ATOH1: variants seen among roughly 807,000 people sequenced by gnomAD.
The protein encoded by ATOH1 is transcription factor ATOH1.
A neutral mutation model predicts 20.7 loss-of-function variants in ATOH1; 9 were observed. The observed-to-expected ratio is 0.44, with a 90% CI of 0.26 to 0.76. ATOH1 has a LOEUF of 0.76. Ranked by LOEUF, ATOH1 falls within the 30% of genes least tolerant of loss-of-function variation. The pLI is 0.20. For missense variants in ATOH1, 516 were observed against 479.3 expected, an observed-to-expected ratio of 1.08 and a Z score of -0.71; for synonymous variants, 247 against 214.3, an observed-to-expected ratio of 1.15 and a Z score of -1.33.
chr4:93,829,710 G>A lies in ATOH1; in HGVS notation c.784G>A (p.Gly262Arg). Residue 262 changes from glycine (G) to arginine (R), a missense_variant, in exon 1 of 1, where the codon GGG (glycine) becomes AGG (arginine). Physicochemically the swap from Gly to Arg is moderately radical, Grantham distance 125. Coordinates refer to ENST00000306011, the MANE Select transcript of ATOH1 (RefSeq NM_005172.2). This position sits in a 1 kb window ranked among gnomAD's most constrained non-coding sequence, Gnocchi z 4.5. ...AGCTGGGGCTCAGCAGGCTTCCGGA[G>A]GGAGCCAGCGGCCGACCCCGCCCGG... The part of the protein sequence containing the change: ...TAAGAQQASG[G>R]SQRPTPPGSC... 6.4e-7 allele frequency: 1 copy of A among 1,571,074 alleles called. No individual in the cohort carries two copies. The highest frequency in any genetic ancestry group is 1.4e-5 in the African/African-American group (1 of 73,718).
chr4:93,828,891 G>T lies in ATOH1; in HGVS notation c.-36G>T. ...TTGGTTGAGCTGGTGTCCCAGTGCT[G>T]CCTCCGATCCTGAGCCTCCGAGCCT... On this transcript the variant is annotated 5_prime_UTR_variant, in exon 1 of 1. Coordinates refer to ENST00000306011, the MANE Select transcript of ATOH1 (RefSeq NM_005172.2). 1 of 1,534,046 alleles carries T rather than the reference G, an allele frequency of 6.5e-7. No individual in the cohort carries two copies. Among genetic ancestry groups the T allele is most frequent in the Non-Finnish European group, 8.8e-7 (1 of 1,139,680 alleles).
rs1315139716 is a variant in ATOH1 at position 93,829,541 on chromosome 4, A to G, written c.615A>G (p.Gln205=). 1.2e-6 allele frequency: 2 copies of G among 1,614,218 alleles called. No individual in the cohort carries two copies. ...AATATGAGACCCTGCAGATGGCCCAAATCTACATCAACGCCTTGTCCGAGC... is the reference window on the plus strand; with the variant it reads ...AATATGAGACCCTGCAGATGGCCCAGATCTACATCAACGCCTTGTCCGAGC... ...LSKYETLQMA[Q]IYINALSELL... The change falls in exon 1 of 1, where the codon CAA becomes CAG. Residue 205 remains glutamine (Q), a synonymous_variant. Transcript: ENST00000306011. This position sits in a 1 kb window ranked among gnomAD's most constrained non-coding sequence, Gnocchi z 4.5.
chr4:93,829,691 G>A lies in ATOH1; in HGVS notation c.765G>A (p.Gly255=). ...GCGCGGGCAACGCGACCGCAGCTGG[G>A]GCTCAGCAGGCTTCCGGAGGGAGCC... The part of the protein sequence containing the change: ...EGGAGNATAA[G]AQQASGGSQR... Residue 255 remains glycine (G), a synonymous_variant, in exon 1 of 1, where the codon GGG becomes GGA. Transcript: ENST00000306011. The surrounding 1 kb of genome is among the most constrained non-coding windows in gnomAD (Gnocchi z 4.5). 2 of 1,568,718 alleles carry A rather than the reference G, an allele frequency of 1.3e-6. No individual in the cohort carries two copies. Among genetic ancestry groups the A allele is most frequent in the Non-Finnish European group, 1.7e-6 (2 of 1,159,498 alleles).
At position 93,829,365 on chromosome 4, in the gene ATOH1, G is replaced by T. The variant is rs1395951815; in HGVS notation, c.439G>T (p.Ala147Ser). Reference protein sequence around the residue: ...VDELGCSRQRAPSSKQVNGVQ... With the variant: ...VDELGCSRQRSPSSKQVNGVQ... Reference sequence around the variant, plus strand: ...CGAGCTGGGCTGCAGCCGCCAACGGGCCCCTTCCAGCAAACAGGTGAATGG... The same window carrying T: ...CGAGCTGGGCTGCAGCCGCCAACGGTCCCCTTCCAGCAAACAGGTGAATGG... The change falls in exon 1 of 1, where the codon GCC (alanine) becomes TCC (serine). Residue 147 changes from alanine to serine, a missense_variant. By Grantham distance (99) the Ala-to-Ser change is moderately conservative (BLOSUM62 1). Transcript: ENST00000306011. This position sits in a 1 kb window ranked among gnomAD's most constrained non-coding sequence, Gnocchi z 4.5. 1.2e-6 allele frequency: 2 copies of T among 1,614,198 alleles called. No individual in the cohort carries two copies. The highest frequency in any genetic ancestry group is 1.7e-5 in the Admixed American group (1 of 60,028).
rs1735396668 is a variant in ATOH1 at position 93,829,363 on chromosome 4, G to T, written c.437G>T (p.Arg146Leu). The T allele has an allele frequency of 1.2e-6, 2 of 1,614,160 alleles. No individual in the cohort carries two copies. Among genetic ancestry groups the T allele is most frequent in the Non-Finnish European group, 1.7e-6 (2 of 1,180,020 alleles). Residue 146 changes from arginine to leucine, a missense_variant, in exon 1 of 1, where the codon CGG becomes CTG. Physicochemically the swap from Arg to Leu is moderately radical, Grantham distance 102. Transcript: ENST00000306011. The surrounding 1 kb of genome is among the most constrained non-coding windows in gnomAD (Gnocchi z 4.5). ...VVDELGCSRQ[R>L]APSSKQVNGV... ...GACGAGCTGGGCTGCAGCCGCCAACGGGCCCCTTCCAGCAAACAGGTGAAT... is the reference window on the plus strand; with the variant it reads ...GACGAGCTGGGCTGCAGCCGCCAACTGGCCCCTTCCAGCAAACAGGTGAAT...
Position 93,829,995 on chromosome 4 carries a change from G to T in ATOH1, c.*4G>T. The T allele has an allele frequency of 6.4e-7, 1 of 1,568,538 alleles. No individual in the cohort carries two copies. Among genetic ancestry groups the T allele is most frequent in the South Asian group, 1.2e-5 (1 of 83,514 alleles). On this transcript the variant is annotated 3_prime_UTR_variant, in exon 1 of 1. Coordinates refer to ENST00000306011, the MANE Select transcript of ATOH1 (RefSeq NM_005172.2). This position sits in a 1 kb window ranked among gnomAD's most constrained non-coding sequence, Gnocchi z 4.5. ...TGACTCGGATGAGGCAAGTTAGGAAGGTGACAGAAGCCTGAAAACTGAGAC... is the reference window on the plus strand; with the variant it reads ...TGACTCGGATGAGGCAAGTTAGGAATGTGACAGAAGCCTGAAAACTGAGAC...
chr4:93,829,875 G>A lies in ATOH1; in HGVS notation c.949G>A (p.Gly317Arg), dbSNP rs1735410658. ...AQKNLSPSLP[G>R]SILQPVQEEN... Reference sequence around the variant, plus strand: ...AAAGAATTTGTCTCCTTCTCTCCCCGGGAGCATCTTGCAGCCAGTGCAGGA... The same window carrying A: ...AAAGAATTTGTCTCCTTCTCTCCCCAGGAGCATCTTGCAGCCAGTGCAGGA... Residue 317 changes from glycine (G) to arginine (R), a missense_variant, in exon 1 of 1, where the codon GGG becomes AGG. Coordinates refer to ENST00000306011, the MANE Select transcript of ATOH1 (RefSeq NM_005172.2). The surrounding 1 kb of genome is among the most constrained non-coding windows in gnomAD (Gnocchi z 4.5). 6.2e-7 allele frequency: 1 copy of A among 1,614,110 alleles called. No homozygotes were observed. Among genetic ancestry groups the A allele is most frequent in the South Asian group, 1.1e-5 (1 of 91,090 alleles).
In ATOH1 at chr4:93,829,625, C is replaced by A. The variant is rs1735402604; in HGVS notation, c.699C>A (p.Ser233Arg). Residue 233 changes from serine to arginine, a missense_variant, in exon 1 of 1, where the codon AGC becomes AGA. By Grantham distance (110) the Ser-to-Arg change is moderately radical. Coordinates refer to ENST00000306011, the MANE Select transcript of ATOH1 (RefSeq NM_005172.2). The surrounding 1 kb of genome is among the most constrained non-coding windows in gnomAD (Gnocchi z 4.5). Reference protein sequence around the residue: ...QPPPPPASCKSDHHHLRTAAS... With the variant: ...QPPPPPASCKRDHHHLRTAAS... ...CGCCGCCTCCAGCCTCCTGCAAAAG[C>A]GACCACCACCACCTTCGCACCGCGG... The A allele has an allele frequency of 6.2e-7, 1 of 1,609,690 alleles. No homozygotes were observed. The highest frequency in any genetic ancestry group is 8.5e-7 in the Non-Finnish European group (1 of 1,177,906).
chr4:93,829,772 G>C lies in ATOH1; in HGVS notation c.846G>C (p.Ala282=), dbSNP rs752679675. 166 of 1,604,754 alleles carry C rather than the reference G, an allele frequency of 1.0e-4. No individual in the cohort carries two copies. The highest frequency in any genetic ancestry group is 6.1e-4 in the Admixed American group (36 of 58,772). Residue 282 remains alanine, a synonymous_variant, in exon 1 of 1, where the codon GCG becomes GCC. Transcript: ENST00000306011. This position sits in a 1 kb window ranked among gnomAD's most constrained non-coding sequence, Gnocchi z 4.5. The stretch of plus-strand genomic sequence containing the variant: ...CTCGCTTCTCAGCCCCAGCTTCTGC[G>C]GGAGGGTACTCGGTGCAGCTGGACG... ...CRTRFSAPAS[A]GGYSVQLDAL...
In ATOH1 at chr4:93,829,148, G is replaced by T. The variant is rs544693691; in HGVS notation, c.222G>T (p.Thr74=). The T allele has an allele frequency of 3.1e-5, 50 of 1,599,492 alleles. 1 individual carries two copies. In the East Asian group the frequency reaches 8.1e-4, roughly 26 times the overall value. The change falls in exon 1 of 1, where the codon ACG becomes ACT. Residue 74 remains threonine (T), a synonymous_variant. Coordinates refer to ENST00000306011, the MANE Select transcript of ATOH1 (RefSeq NM_005172.2). This position sits in a 1 kb window ranked among gnomAD's most constrained non-coding sequence, Gnocchi z 4.5. ...CTCCCACTTTGCAGGGCATCTGCACGGCACGCGCCGCCCAGTATTTGCTAC... is the reference window on the plus strand; with the variant it reads ...CTCCCACTTTGCAGGGCATCTGCACTGCACGCGCCGCCCAGTATTTGCTAC... ...WLAPTLQGIC[T]ARAAQYLLHS...
Position 93,829,803 on chromosome 4 carries a change from C to A in ATOH1, c.877C>A (p.His293Asn). ...GGYSVQLDAL[H>N]FSTFEDSALT... ...GTACTCGGTGCAGCTGGACGCTCTG[C>A]ACTTCTCGACTTTCGAGGACAGCGC... is the stretch of plus-strand genomic sequence containing the variant. The change falls in exon 1 of 1, where the codon CAC becomes AAC. Residue 293 changes from histidine to asparagine, a missense_variant. Coordinates refer to ENST00000306011, the MANE Select transcript of ATOH1 (RefSeq NM_005172.2). The surrounding 1 kb of genome is among the most constrained non-coding windows in gnomAD (Gnocchi z 4.5). The A allele has an allele frequency of 1.2e-6, 2 of 1,613,532 alleles. No homozygotes were observed. The highest frequency in any genetic ancestry group is 2.2e-5 in the South Asian group (2 of 91,028).
chr4:93,829,183 A>G lies in ATOH1; in HGVS notation c.257A>G (p.Glu86Gly), dbSNP rs1161348231. 2 of 1,587,532 alleles carry G rather than the reference A, an allele frequency of 1.3e-6. No homozygotes were observed. The highest frequency in any genetic ancestry group is 3.5e-5 in the Admixed American group (2 of 57,906). ...GCCCAGTATTTGCTACATTCCCCGGAGCTGGGTGCCTCAGAGGCCGCTGCG... is the reference window on the plus strand; with the variant it reads ...GCCCAGTATTTGCTACATTCCCCGGGGCTGGGTGCCTCAGAGGCCGCTGCG... ...RAAQYLLHSP[E>G]LGASEAAAPR... The change falls in exon 1 of 1, where the codon GAG (glutamate) becomes GGG (glycine). Residue 86 changes from glutamate to glycine, a missense_variant. Physicochemically the swap from Glu to Gly is moderately conservative, Grantham distance 98. Coordinates refer to ENST00000306011, the MANE Select transcript of ATOH1 (RefSeq NM_005172.2). The surrounding 1 kb of genome is among the most constrained non-coding windows in gnomAD (Gnocchi z 4.5).
In ATOH1 at chr4:93,829,674, A is replaced by T. The variant is rs1183286547; in HGVS notation, c.748A>T (p.Asn250Tyr). Residue 250 changes from asparagine to tyrosine, a missense_variant, in exon 1 of 1, where the codon AAC (asparagine) becomes TAC (tyrosine). Transcript: ENST00000306011. This position sits in a 1 kb window ranked among gnomAD's most constrained non-coding sequence, Gnocchi z 4.5. ...TAASYEGGAG[N>Y]ATAAGAQQAS... Reference sequence around the variant, plus strand: ...GGCCTCCTATGAAGGGGGCGCGGGCAACGCGACCGCAGCTGGGGCTCAGCA... The same window carrying T: ...GGCCTCCTATGAAGGGGGCGCGGGCTACGCGACCGCAGCTGGGGCTCAGCA... 1.3e-6 allele frequency: 2 copies of T among 1,572,554 alleles called. No individual in the cohort carries two copies. Among genetic ancestry groups the T allele is most frequent in the Non-Finnish European group, 1.7e-6 (2 of 1,161,154 alleles).
chr4:93,829,963 A>C lies in ATOH1; in HGVS notation c.1037A>C (p.His346Pro). Reference protein sequence around the residue: ...RSDGEFSPHSHYSDSDEAS With the variant: ...RSDGEFSPHSPYSDSDEAS ...GACGGGGAATTTTCCCCCCATTCCC[A>C]TTACAGTGACTCGGATGAGGCAAGT... Residue 346 changes from histidine to proline, a missense_variant, in exon 1 of 1, where the codon CAT (histidine) becomes CCT (proline). Coordinates refer to ENST00000306011, the MANE Select transcript of ATOH1 (RefSeq NM_005172.2). This position sits in a 1 kb window ranked among gnomAD's most constrained non-coding sequence, Gnocchi z 4.5. 1 of 1,606,970 alleles carries C rather than the reference A, an allele frequency of 6.2e-7. No individual in the cohort carries two copies. The highest frequency in any genetic ancestry group is 1.1e-5 in the South Asian group (1 of 90,108).
Position 93,829,460 on chromosome 4 carries a change from C to T in ATOH1, c.534C>T (p.Ala178=). ...GCAGGATGCATGGGCTGAACCACGC[C>T]TTCGACCAGCTGCGCAATGTTATCC... ...ERRRMHGLNH[A]FDQLRNVIPS... is the part of the protein sequence containing the mutation. Residue 178 remains alanine, a synonymous_variant, in exon 1 of 1, where the codon GCC becomes GCT. Coordinates refer to ENST00000306011, the MANE Select transcript of ATOH1 (RefSeq NM_005172.2). The surrounding 1 kb of genome is among the most constrained non-coding windows in gnomAD (Gnocchi z 4.5). 6.2e-7 allele frequency: 1 copy of T among 1,614,266 alleles called. No homozygotes were observed. Among genetic ancestry groups the T allele is most frequent in the African/African-American group, 1.3e-5 (1 of 75,068 alleles).
rs199769164 is a variant in ATOH1 at position 93,828,859 on chromosome 4, C to CT, written c.-60dup. 1,626 of 1,471,830 alleles carry CT rather than the reference C, an allele frequency of 1.1e-3. 8 individuals are homozygous for CT. In the African/African-American group the frequency reaches 0.019, roughly 17 times the overall value. The allele number at this position is 1,471,830 out of a possible 1,614,324, so 91.2% of individuals were successfully genotyped here. A position where few individuals can be genotyped will look rare whatever the true frequency, so the allele number is the denominator to read the frequency against. On this transcript the variant is annotated 5_prime_UTR_variant, in exon 1 of 1. Transcript: ENST00000306011. ...GTTGCAGAAGAGACCCGGAAAGGGC[C>CT]TTTTTTTTGGTTGAGCTGGTGTCCC...
rs969557427 is a variant in ATOH1, at chr4:93,829,357, G to A, written c.431G>A (p.Arg144His). 2.5e-6 allele frequency: 4 copies of A among 1,614,006 alleles called. No homozygotes were observed. The highest frequency in any genetic ancestry group is 1.7e-5 in the Admixed American group (1 of 60,008). The stretch of plus-strand genomic sequence containing the variant: ...GTGGTAGACGAGCTGGGCTGCAGCC[G>A]CCAACGGGCCCCTTCCAGCAAACAG... ...GVVVDELGCS[R>H]QRAPSSKQVN... The change falls in exon 1 of 1, where the codon CGC (arginine) becomes CAC (histidine). Residue 144 changes from arginine (R) to histidine (H), a missense_variant. Arg to His is a conservative substitution (Grantham distance 29, BLOSUM62 0). Transcript: ENST00000306011. This position sits in a 1 kb window ranked among gnomAD's most constrained non-coding sequence, Gnocchi z 4.5.
Position 93,829,230 on chromosome 4 carries a change from C to G in ATOH1, c.304C>G (p.Arg102Gly), listed in dbSNP as rs376429461. ...TGCGCCCCGGGACGAGGTGGACGGC[C>G]GGGGGGAGCTGGTAAGGAGGAGCAG... ...AAAPRDEVDG[R>G]GELVRRSSGG... Residue 102 changes from arginine to glycine, a missense_variant, in exon 1 of 1, where the codon CGG becomes GGG. Arg to Gly is a moderately radical substitution (Grantham distance 125, BLOSUM62 -2). Transcript: ENST00000306011. The surrounding 1 kb of genome is among the most constrained non-coding windows in gnomAD (Gnocchi z 4.5). 6 of 1,588,452 alleles carry G rather than the reference C, an allele frequency of 3.8e-6. No individual in the cohort carries two copies. The highest frequency in any genetic ancestry group is 5.1e-6 in the Non-Finnish European group (6 of 1,166,444).
Position 93,828,985 on chromosome 4 carries a change from A to G in ATOH1, c.59A>G (p.His20Arg). 6.2e-7 allele frequency: 1 copy of G among 1,612,980 alleles called. No individual in the cohort carries two copies. Among genetic ancestry groups the G allele is most frequent in the East Asian group, 2.2e-5 (1 of 44,862 alleles). ...WAEVKELGDH[H>R]RQPQPHHLPQ... ...GAAGTGAAGGAGTTGGGAGACCACC[A>G]TCGCCAGCCCCAGCCGCATCATCTC... is the stretch of plus-strand genomic sequence containing the variant. The change falls in exon 1 of 1, where the codon CAT becomes CGT. Residue 20 changes from histidine (H) to arginine (R), a missense_variant. His to Arg is a conservative substitution (Grantham distance 29). Coordinates refer to ENST00000306011, the MANE Select transcript of ATOH1 (RefSeq NM_005172.2).
Sources: gnomAD v4.1 joint callset for allele counts on GRCh38, gnomAD v4.1.1 for gene constraint, Gnocchi (gnomAD v3.1) non-coding constraint, MANE v1.5 for transcripts, NCBI Gene and HGNC (gene_info 2026-07-23, HGNC 2026-07-21) for gene names.